The following COL25A1 variants were observed in gnomAD, a reference collection of about 807,000 sequenced individuals.
The protein encoded by COL25A1 is collagen type XXV alpha 1 chain, also known as collagen alpha-1(XXV) chain.
Under a neutral mutation model 128.4 loss-of-function variants are expected in COL25A1, and 103 were observed. The observed-to-expected ratio is 0.80, with a 90% CI of 0.68 to 0.94. The LOEUF (loss-of-function observed/expected upper bound fraction) is 0.94, where lower values mean the gene tolerates loss of function less well. Ranked by LOEUF, COL25A1 falls within the 40% of genes least tolerant of loss-of-function variation. The pLI, the probability that COL25A1 is intolerant of heterozygous loss-of-function variation, is 0.00. For synonymous variants in COL25A1, 279 were observed against 277.2 expected (o/e 1.01, Z -0.06); for missense variants, 745 against 840.0 (o/e 0.89, Z 1.40).
chr4:109,168,647 T>C (rs1773292713), intron 3 of COL25A1, among the ~76,000 whole-genome samples: 1 of 152,128 alleles, frequency 6.6e-6, no homozygotes. Context: ...GGAGCTACTA[T>C]ATATCATATT....
In COL25A1 at chr4:108,929,187, G is replaced by A. The variant is rs926175512; in HGVS notation, c.709-8583C>T. 6.6e-5 allele frequency among the ~76,000 whole-genome samples: 10 copies of A among 152,092 alleles called. 1 individual carries two copies. The highest frequency in any genetic ancestry group is 4.2e-4 in the South Asian group (2 of 4,810). On this transcript the variant is annotated intron_variant, in intron 11 of 37. Transcript: ENST00000399132. ...CACCCAGGCTGGAGTGCAATGGTGC[G>A]ACTTTGGCTCACTGCAACCTCTGCC... is the stretch of plus-strand genomic sequence containing the variant.
At chr4:109,053,002 C>T (rs757439812) in intron 3 of COL25A1, among the ~76,000 whole-genome samples, 17 of 152,008 alleles carry the variant, frequency 1.1e-4, no homozygotes, top group Non-Finnish European at 2.4e-4. Flanking sequence ...TAAATTCTAT[C>T]AGCAGAAAAA....
At chr4:108,975,307 T>C (rs2125989815) in intron 6 of COL25A1, among the ~76,000 whole-genome samples, 1 of 152,212 alleles carries the variant, frequency 6.6e-6, no homozygotes, top group East Asian at 1.9e-4. Flanking sequence ...AATACAAAAA[T>C]TAGCTGGGTG....
chr4:109,299,246 G>A (rs17234610), intron 3 of COL25A1, among the ~76,000 whole-genome samples: 5,553 of 152,200 alleles, frequency 0.036, 151 homozygotes, highest in Non-Finnish European at 0.053. Flanking sequence ...ATCCCTACAG[G>A]CTGATGAGGT....
At chr4:109,031,666 C>T (rs771801177) in intron 5 of COL25A1, among the ~76,000 whole-genome samples, 4 of 152,132 alleles carry the variant, frequency 2.6e-5, no homozygotes, top group Non-Finnish European at 5.9e-5. Context: ...AATGACATCT[C>T]ATTTTGACCA....
chr4:109,038,020 A>C (rs1164998568), intron 5 of COL25A1, among the ~76,000 whole-genome samples: 1 of 152,192 alleles, frequency 6.6e-6, no homozygotes, highest in Non-Finnish European at 1.5e-5. Context: ...GAGGAGAAGA[A>C]AGCCATGAAA....
chr4:109,145,778 T>C (rs1770882365), intron 3 of COL25A1, among the ~76,000 whole-genome samples: 1 of 151,966 alleles, frequency 6.6e-6, no homozygotes, highest in South Asian at 2.1e-4. Context: ...GAGATGGAGG[T>C]TGCAGTGAGC....
intron 3 of COL25A1, among the ~76,000 whole-genome samples, chr4:109,275,234 T>C (rs1486527012): frequency 1.3e-5 from 2 of 152,152 alleles, no homozygotes; most frequent in African/African-American, 4.8e-5. Context: ...GCTGGGTCTA[T>C]TGTGTATTGT....
intron 8 of COL25A1, among the ~76,000 whole-genome samples, chr4:108,952,771 G>C (rs925325637): frequency 6.7e-6 from 1 of 149,422 alleles, no homozygotes; most frequent in Non-Finnish European, 1.5e-5. Flanking sequence ...GTAGCTGACA[G>C]AGCACCTGAC....
rs186854058 is a variant in COL25A1 at position 108,921,414 on chromosome 4, T to C, written c.709-810A>G. On this transcript the variant is annotated intron_variant, in intron 11 of 37. Transcript: ENST00000399132. ...ATATAGCTATATTTCTATTTTTAAA[T>C]ACAACTATTAAGCATTTTCTTCCAG... Among the ~76,000 whole-genome samples the C allele has an allele frequency of 1.7e-3, 262 of 152,334 alleles. 2 individuals carry two copies. Among genetic ancestry groups the C allele is most frequent in the African/African-American group, 6.1e-3 (252 of 41,594 alleles).
At chr4:108,909,663 T>C (rs556503637) in intron 13 of COL25A1, among the ~76,000 whole-genome samples, 2 of 152,308 alleles carry the variant, frequency 1.3e-5, no homozygotes, top group South Asian at 4.1e-4. Flanking sequence ...TAGAAGTTTG[T>C]GGGGAGATCA....
intron 5 of COL25A1, among the ~76,000 whole-genome samples, chr4:109,036,939 A>T (rs1759415521): frequency 6.6e-6 from 1 of 152,220 alleles, no homozygotes; most frequent in Admixed American, 6.5e-5. Context: ...CAAACTGCAA[A>T]TTAAGAGACA....
intron 11 of COL25A1, 145 bp downstream of exon 11, chr4:108,937,663 G>A: frequency 1.7e-6 from 1 of 583,826 alleles, no homozygotes; most frequent in South Asian, 2.6e-5. Context: ...TTAGCATGTA[G>A]TAGGCCATAT....
chr4:109,274,660 C>A (rs1578611853), intron 3 of COL25A1, among the ~76,000 whole-genome samples: 1 of 152,126 alleles, frequency 6.6e-6, no homozygotes, highest in African/African-American at 2.4e-5. Context: ...GCACAGCTAT[C>A]TTTTTCTTTT....
At chr4:109,129,286 T>C (rs1201558654) in intron 3 of COL25A1, among the ~76,000 whole-genome samples, 1 of 151,962 alleles carries the variant, frequency 6.6e-6, no homozygotes, top group African/African-American at 2.4e-5. Flanking sequence ...TGCACCATCA[T>C]GCCCGGCTAA....
chr4:109,258,335 A>T (rs1380172782), intron 3 of COL25A1, among the ~76,000 whole-genome samples: 3 of 152,204 alleles, frequency 2.0e-5, no homozygotes, highest in African/African-American at 7.2e-5. Flanking sequence ...ATTAAAACTG[A>T]ATCCCAATAT....
intron 4 of COL25A1, among the ~76,000 whole-genome samples, chr4:109,048,424 T>C (rs140394090): frequency 2.0e-3 from 309 of 152,310 alleles, no homozygotes; most frequent in African/African-American, 7.1e-3. Flanking sequence ...CTGAAGCCTG[T>C]CTATGAATTA....
chr4:109,034,997 T>A (rs947388746), intron 5 of COL25A1, among the ~76,000 whole-genome samples: 2 of 152,186 alleles, frequency 1.3e-5, no homozygotes, highest in African/African-American at 2.4e-5. Flanking sequence ...GGTTATAGTT[T>A]AAAAGTAAGA....
At chr4:109,015,350 C>A (rs556480989) in intron 5 of COL25A1, among the ~76,000 whole-genome samples, 1 of 152,264 alleles carries the variant, frequency 6.6e-6, no homozygotes, top group South Asian at 2.1e-4. Flanking sequence ...TAAAGGACAA[C>A]CTGAATGAGT....
Sources: allele counts gnomAD v4.1 joint callset (sites outside exome capture counted in the v4.1 genomes callset), GRCh38; gene constraint gnomAD v4.1.1; transcripts MANE v1.5; gene names NCBI Gene and HGNC (gene_info 2026-07-23, HGNC 2026-07-21).